Variants in KDM8 observed in about 807,000 individuals in gnomAD.
KDM8 encodes bifunctional peptidase and arginyl-hydroxylase JMJD5.
KDM8 carries 35 observed loss-of-function variants against 46.9 expected under a neutral mutation model. The ratio of observed to expected loss-of-function variants is 0.75; its 90% CI spans 0.57 to 0.99. The LOEUF is 0.99. KDM8 is among the 50% of genes least tolerant of loss of function. The probability of loss-of-function intolerance (pLI) is 0.00; values close to 1 mark genes in which losing one functional copy is unlikely to be tolerated. For synonymous variants in KDM8, 232 were observed against 227.7 expected (o/e 1.02, Z -0.17); for missense variants, 475 against 537.0 (o/e 0.88, Z 1.14).
At position 27,210,527 on chromosome 16, in the gene KDM8, G is replaced by A. The variant is rs576036750; in HGVS notation, c.404G>A (p.Gly135Glu). ...MGLLMGAAIL[G>E]DILLKVAAIL... is the part of the protein sequence containing the mutation. ...CTGCTGATGGGGGCAGCCATCCTGG[G>A]GGACATCCTTCTTAAAGTCGCTGCC... is the stretch of plus-strand genomic sequence containing the variant. The change falls in exon 2 of 8, where the codon GGG (glycine) becomes GAG (glutamate). Residue 135 changes from glycine to glutamate, a missense_variant. Transcript: ENST00000286096. 9.7e-6 allele frequency: 15 copies of A among 1,543,918 alleles called. No individual in the cohort carries two copies. In the South Asian group the frequency reaches 1.8e-4, roughly 18 times the overall value.
chr16:27,218,820 C>G, intron 5 of KDM8, 141 bp from the exon 6 acceptor site: 1 of 970,080 alleles, frequency 1.0e-6, no homozygotes, highest in Non-Finnish European at 1.5e-6. Flanking sequence ...GCACTCCAGC[C>G]TGAGAAACAG....
intron 5 of KDM8, among the ~76,000 whole-genome samples, chr16:27,218,481 T>C (rs113787930): frequency 6.2e-4 from 94 of 152,278 alleles, no homozygotes; most frequent in African/African-American, 2.0e-3. Context: ...CAGTTTCTCT[T>C]CTCTGCCCAG....
intron 1 of KDM8, chr16:27,203,998 C>T (rs878939987): frequency 2.0e-5 from 21 of 1,038,972 alleles, no homozygotes; most frequent in South Asian, 2.0e-4. Context: ...GGGTTTTATA[C>T]TCTGCTATAT....
rs2083621851 is a variant in KDM8, at chr16:27,221,179, C to CCAGT, written c.*451_*454dup. 1 of 319,522 alleles carries CCAGT rather than the reference C, an allele frequency of 3.1e-6. No homozygotes were observed. The highest frequency in any genetic ancestry group is 6.2e-6 in the Non-Finnish European group (1 of 161,642). 19.8% of individuals were successfully genotyped at this position (319,522 alleles called of 1,614,324 possible). On this transcript the variant is annotated 3_prime_UTR_variant, in exon 8 of 8. Transcript: ENST00000286096. ...TGCCCATATGGAAAAGAGGGCAAGG[C>CCAGT]CAGTCCTCACTGCCGAGGGCCGAGA...
chr16:27,220,101 G>A (rs1269312153), intron 6 of KDM8, among the ~76,000 whole-genome samples: 2 of 152,052 alleles, frequency 1.3e-5, no homozygotes, highest in Admixed American at 6.6e-5. Flanking sequence ...CATACCTGTA[G>A]TCCCAACTAC....
At chr16:27,211,565 C>T (rs908633092) in intron 2 of KDM8, 1 of 165,038 alleles carries the variant, frequency 6.1e-6, no homozygotes, top group African/African-American at 2.4e-5. Flanking sequence ...AGTACTGACC[C>T]ACAGAAAGAA....
intron 1 of KDM8, among the ~76,000 whole-genome samples, chr16:27,206,622 A>G (rs2083430970): frequency 6.6e-6 from 1 of 152,208 alleles, no homozygotes. Flanking sequence ...TGGGAAGCCA[A>G]TCAATAAAGC....
chr16:27,213,245 GT>G, intron 2 of KDM8: 1 of 215,184 alleles, frequency 4.6e-6, no homozygotes, highest in Non-Finnish European at 9.2e-6. Flanking sequence ...GTGTGTGTGT[GT>G]GTGTGTGTGT....
chr16:27,207,001 A>T (rs1366043527), intron 1 of KDM8, among the ~76,000 whole-genome samples: 1 of 152,248 alleles, frequency 6.6e-6, no homozygotes, highest in African/African-American at 2.4e-5. Context: ...ACAACAAACA[A>T]TTCTTTCCTG....
intron 6 of KDM8, 48 bp downstream of exon 6, chr16:27,219,158 G>T (rs752721062): frequency 1.3e-6 from 2 of 1,540,592 alleles, no homozygotes; most frequent in East Asian, 4.7e-5. Flanking sequence ...TCCTGGCCCA[G>T]ACACCTGGCC....
At chr16:27,208,928 A>C (rs180763654) in intron 1 of KDM8, among the ~76,000 whole-genome samples, 1 of 152,346 alleles carries the variant, frequency 6.6e-6, no homozygotes, top group East Asian at 1.9e-4. Flanking sequence ...CAAGAATGGA[A>C]ATGAACTCAT....
At chr16:27,210,735 G>T (rs1464296705) in intron 2 of KDM8, 114 bp downstream of exon 2, 2 of 1,008,398 alleles carry the variant, frequency 2.0e-6, no homozygotes, top group Admixed American at 3.1e-5. Context: ...AACCCCTCTG[G>T]TGGAAAACAG....
intron 5 of KDM8, among the ~76,000 whole-genome samples, chr16:27,218,357 G>T (rs184173958): frequency 3.9e-5 from 6 of 152,118 alleles, no homozygotes; most frequent in African/African-American, 1.4e-4. Context: ...ATCCAAGATC[G>T]CTTGATGTGT....
chr16:27,215,065 T>C, intron 4 of KDM8, 57 bp downstream of exon 4: 1 of 1,587,376 alleles, frequency 6.3e-7, no homozygotes, highest in Non-Finnish European at 8.6e-7. Context: ...CATAGTACAT[T>C]TAGGCAAATA....
In KDM8 at chr16:27,220,632, A is replaced by G. The variant is rs772920923; in HGVS notation, c.1153A>G (p.Ile385Val). The G allele has an allele frequency of 1.9e-6, 3 of 1,614,156 alleles. No individual in the cohort carries two copies. Among genetic ancestry groups the G allele is most frequent in the Admixed American group, 3.3e-5 (2 of 60,004 alleles). The change falls in exon 8 of 8, where the codon ATC (isoleucine) becomes GTC (valine). Residue 385 changes from isoleucine (I) to valine (V), a missense_variant. Coordinates refer to ENST00000286096, the MANE Select transcript of KDM8 (RefSeq NM_024773.3). ...TGCCAAGGCCCCATTCCTGTCCTGC[A>G]TCCTGTCTCCTGGAGAGATCCTGTT... is the stretch of plus-strand genomic sequence containing the variant. ...KFAKAPFLSC[I>V]LSPGEILFIP...
At chr16:27,213,920 T>G (rs2083516691) in intron 3 of KDM8, 169 bp downstream of exon 3, 1 of 666,966 alleles carries the variant, frequency 1.5e-6, no homozygotes, top group African/African-American at 1.8e-5. Flanking sequence ...TAAGGTGCTC[T>G]GAATTTATGC....
At chr16:27,218,246 C>T (rs1051671288) in intron 5 of KDM8, among the ~76,000 whole-genome samples, 2 of 151,948 alleles carry the variant, frequency 1.3e-5, no homozygotes, top group African/African-American at 2.4e-5. Context: ...GGTACCACTG[C>T]ACTCCGGACT....
chr16:27,213,513 T>C, intron 2 of KDM8, 72 bp from the exon 3 acceptor site: 2 of 1,529,594 alleles, frequency 1.3e-6, no homozygotes, highest in South Asian at 2.4e-5. Context: ...CTGACACAGG[T>C]TCCTGGTGGA....
chr16:27,205,115 C>T (rs942316126), intron 1 of KDM8, among the ~76,000 whole-genome samples: 10 of 152,194 alleles, frequency 6.6e-5, no homozygotes, highest in Non-Finnish European at 5.9e-5. Context: ...TACCAGGGAC[C>T]TACTTTGCCA....
Sources: gnomAD v4.1 joint callset for allele counts (sites outside exome capture counted in the v4.1 genomes callset) on GRCh38, gnomAD v4.1.1 for gene constraint, MANE v1.5 for transcripts, NCBI Gene and HGNC (gene_info 2026-07-23, HGNC 2026-07-21) for gene names.